The following PTPN14 variants were observed in gnomAD, a reference collection of about 807,000 sequenced individuals.
The protein encoded by PTPN14 is tyrosine-protein phosphatase non-receptor type 14.
Under a neutral mutation model 126.8 loss-of-function variants are expected in PTPN14, and 53 were observed. That is an observed-to-expected ratio of 0.42 (90% CI 0.34 to 0.53). PTPN14 has a LOEUF of 0.53. Ranked by LOEUF, PTPN14 falls within the 20% of genes least tolerant of loss-of-function variation. The pLI is 0.08. For synonymous variants in PTPN14, 630 were observed against 599.3 expected (o/e 1.05, Z -0.75); for missense variants, 1,257 against 1,552.9 (o/e 0.81, Z 3.20).
At position 214,383,268 on chromosome 1, in the gene PTPN14, T is replaced by G; in HGVS notation, c.2544+43A>C. Reference sequence around the variant, plus strand: ...CCCCTTGCTCAGTGCCTGAAGCATGTGCTTTCACACTGGAAAATGCCCTGG... The same window carrying G: ...CCCCTTGCTCAGTGCCTGAAGCATGGGCTTTCACACTGGAAAATGCCCTGG... On this transcript the variant is annotated intron_variant, in intron 13 of 18. Transcript: ENST00000366956. This position sits in a 1 kb window ranked among gnomAD's most constrained non-coding sequence, Gnocchi z 4.4. 3 of 1,580,408 alleles carry G rather than the reference T, an allele frequency of 1.9e-6. No individual in the cohort carries two copies. The highest frequency in any genetic ancestry group is 2.6e-6 in the Non-Finnish European group (3 of 1,158,740).
At chr1:214,525,207 C>G (rs1343729004) in intron 1 of PTPN14, among the ~76,000 whole-genome samples, 1 of 152,206 alleles carries the variant, frequency 6.6e-6, no homozygotes, top group African/African-American at 2.4e-5. Context: ...GGAGGTACAA[C>G]AGAATATGTA....
intron 13 of PTPN14, among the ~76,000 whole-genome samples, chr1:214,380,775 T>C (rs1318394957): frequency 6.6e-6 from 1 of 152,244 alleles, no homozygotes; most frequent in Non-Finnish European, 1.5e-5. Flanking sequence ...GAGAAGTATC[T>C]GACCTGTGGG....
At chr1:214,395,074 T>C in intron 8 of PTPN14, 88 bp from the exon 9 acceptor site, 1 of 1,118,218 alleles carries the variant, frequency 8.9e-7, no homozygotes, top group Non-Finnish European at 1.4e-6. Context: ...TGCTATCAAG[T>C]CTCATTTAAC....
chr1:214,447,657 G>A (rs979046310), intron 3 of PTPN14, among the ~76,000 whole-genome samples: 2 of 151,630 alleles, frequency 1.3e-5, no homozygotes, highest in African/African-American at 4.9e-5. Flanking sequence ...CAGTTTTAGG[G>A]CCCCTTGGAG....
chr1:214,426,563 T>TAACTACAC (rs751112296), intron 3 of PTPN14, among the ~76,000 whole-genome samples: 26 of 151,612 alleles, frequency 1.7e-4, no homozygotes, highest in Non-Finnish European at 3.4e-4. Flanking sequence ...AAGTGACAAG[T>TAACTACAC]AACTACACAT....
chr1:214,443,896 G>A (rs1191247889), intron 3 of PTPN14, among the ~76,000 whole-genome samples: 4 of 152,152 alleles, frequency 2.6e-5, no homozygotes, highest in African/African-American at 4.8e-5. Flanking sequence ...CAATGTAGAC[G>A]TTAAAGACAA....
chr1:214,349,942 G>A lies in PTPN14; in HGVS notation c.*7980C>T, dbSNP rs1657670873. On this transcript the variant is annotated 3_prime_UTR_variant, in exon 19 of 19. Transcript: ENST00000366956. ...AATGCTGAGAATGCCAGGCACCCCA[G>A]TTCTGAGAGCCACCCTAGCTAAACT... 6.6e-6 allele frequency: 1 copy of A among 152,164 alleles called. No individual in the cohort carries two copies. The highest frequency in any genetic ancestry group is 6.5e-5 in the Admixed American group (1 of 15,284). The allele number at this position is 152,164 out of a possible 1,614,324, so 9.4% of individuals were successfully genotyped here.
intron 1 of PTPN14, among the ~76,000 whole-genome samples, chr1:214,522,159 T>TCCTGGCCTCAAGTGATCTGTCCC (rs1433466426): frequency 6.6e-6 from 1 of 152,072 alleles, no homozygotes; most frequent in Non-Finnish European, 1.5e-5. Context: ...GATCTTGAAC[T>TCCTGGCCTCAAGTGATCTGTCCC]CCTGGCCTCA....
intron 1 of PTPN14, among the ~76,000 whole-genome samples, chr1:214,479,747 T>C (rs963824951): frequency 3.3e-5 from 5 of 152,214 alleles, no homozygotes; most frequent in African/African-American, 1.2e-4. Context: ...AGTCGTTTTC[T>C]ATTTTACCTA....
chr1:214,464,414 C>T (rs563616048), intron 2 of PTPN14, among the ~76,000 whole-genome samples: 1 of 152,298 alleles, frequency 6.6e-6, no homozygotes, highest in Admixed American at 6.5e-5. Flanking sequence ...CCTGCCACGC[C>T]ATGCAGCTCT....
rs1491278063 is a variant in PTPN14, at chr1:214,350,706, A to ATTCTTTTTTTT, written c.*7215_*7216insAAAAAAAAGAA. 1 of 49,448 alleles carries ATTCTTTTTTTT rather than the reference A, an allele frequency of 2.0e-5. No individual in the cohort carries two copies. The highest frequency in any genetic ancestry group is 5.3e-4 in the East Asian group (1 of 1,892). 3.1% of individuals were successfully genotyped at this position (49,448 alleles called of 1,614,324 possible). On this transcript the variant is annotated 3_prime_UTR_variant, in exon 19 of 19. Coordinates refer to ENST00000366956, the MANE Select transcript of PTPN14 (RefSeq NM_005401.5). ...CAGGCATGTGCCACCATGCCTGGCT[A>ATTCTTTTTTTT]ATTTTTTTTTTTTTTTTTTTTTTTG...
intron 1 of PTPN14, among the ~76,000 whole-genome samples, chr1:214,514,043 C>A (rs1006750613): frequency 6.6e-6 from 1 of 151,976 alleles, no homozygotes; most frequent in Admixed American, 6.6e-5. Flanking sequence ...CATTCCTCCC[C>A]CTCCCTCAAT....
intron 16 of PTPN14, among the ~76,000 whole-genome samples, chr1:214,370,309 G>A (rs993173891): frequency 1.3e-5 from 2 of 151,264 alleles, no homozygotes; most frequent in African/African-American, 4.8e-5. Context: ...AAAAAGAAAC[G>A]AAGGTCTTCG....
intron 1 of PTPN14, among the ~76,000 whole-genome samples, chr1:214,491,920 G>T (rs1661259644): frequency 1.3e-5 from 2 of 152,022 alleles, no homozygotes; most frequent in South Asian, 4.2e-4. Context: ...CTCGATCTTG[G>T]TTTAAAGACC....
intron 3 of PTPN14, among the ~76,000 whole-genome samples, chr1:214,431,341 T>C (rs1659792774): frequency 2.6e-5 from 4 of 152,264 alleles, no homozygotes; most frequent in Admixed American, 2.6e-4. Flanking sequence ...CAGATACAAA[T>C]TGGGAGGTCA....
At chr1:214,483,450 G>A (rs528995753) in intron 1 of PTPN14, 40 of 1,070,364 alleles carry the variant, frequency 3.7e-5, no homozygotes, top group African/African-American at 2.6e-4. Flanking sequence ...CACAAGCCTC[G>A]CCTAGTAATC....
At chr1:214,539,690 G>C (rs969809324) in intron 1 of PTPN14, among the ~76,000 whole-genome samples, 2 of 152,006 alleles carry the variant, frequency 1.3e-5, no homozygotes, top group Admixed American at 1.3e-4. Context: ...GAGTGAGAAA[G>C]GCAATAAAGA....
chr1:214,542,484 C>CATGGGGGA (rs1401502775), intron 1 of PTPN14, among the ~76,000 whole-genome samples: 2 of 151,956 alleles, frequency 1.3e-5, no homozygotes, highest in Non-Finnish European at 2.9e-5. Context: ...CAGGCAGGGA[C>CATGGGGGA]ATGGGGGAGT....
intron 13 of PTPN14, among the ~76,000 whole-genome samples, chr1:214,381,623 T>C (rs6676318): frequency 0.2 from 30,684 of 152,224 alleles, 3,270 homozygotes; most frequent in African/African-American, 0.28. Flanking sequence ...AGATTCAATT[T>C]CTGACCCCAG....
Sources: allele counts gnomAD v4.1 joint callset (sites outside exome capture counted in the v4.1 genomes callset), GRCh38; gene constraint gnomAD v4.1.1; non-coding constraint Gnocchi (gnomAD v3.1); transcripts MANE v1.5; gene names NCBI Gene and HGNC (gene_info 2026-07-23, HGNC 2026-07-21).